PDIA5: variants seen among roughly 807,000 people sequenced by gnomAD.
The protein encoded by PDIA5 is protein disulfide-isomerase A5.
Under a neutral mutation model 77.6 loss-of-function variants are expected in PDIA5, and 58 were observed. That is an observed-to-expected ratio of 0.75 (90% CI 0.61 to 0.93). PDIA5 has a LOEUF of 0.93. PDIA5 is among the 40% of genes least tolerant of loss of function. The pLI, the probability that PDIA5 is intolerant of heterozygous loss-of-function variation, is 0.00. For missense variants in PDIA5, 630 were observed against 647.7 expected (o/e 0.97, Z 0.30); for synonymous variants, 250 against 252.1 (o/e 0.99, Z 0.08).
chr3:123,136,821 C>A (rs1213076895), intron 11 of PDIA5, among the ~76,000 whole-genome samples: 1 of 146,986 alleles, frequency 6.8e-6, no homozygotes, highest in Non-Finnish European at 1.5e-5. Context: ...CTGTGATTTG[C>A]TTTTTTTAAC....
At chr3:123,081,335 A>G (rs372699373) in intron 1 of PDIA5, among the ~76,000 whole-genome samples, 1 of 152,362 alleles carries the variant, frequency 6.6e-6, no homozygotes, top group East Asian at 1.9e-4. Context: ...AATCAAAGTC[A>G]GCACAAAACT....
intron 1 of PDIA5, among the ~76,000 whole-genome samples, chr3:123,080,158 G>C (rs534058067): frequency 4.4e-4 from 67 of 151,278 alleles, no homozygotes; most frequent in African/African-American, 1.6e-3. Context: ...GTGTGTGTGT[G>C]GGGGGGATTT....
At chr3:123,102,836 AAATG>A in intron 5 of PDIA5, 40 bp downstream of exon 5, 1 of 1,359,652 alleles carries the variant, frequency 7.4e-7, no homozygotes, top group Non-Finnish European at 1.1e-6. Context: ...GGTGGAGTCT[AAATG>A]GACGCCCAAA....
rs571265949 is a variant in PDIA5 at position 123,067,032 on chromosome 3, G to A, written c.-133G>A. On this transcript the variant is annotated 5_prime_UTR_variant, in exon 1 of 17. Coordinates refer to ENST00000316218, the MANE Select transcript of PDIA5 (RefSeq NM_006810.4). The stretch of plus-strand genomic sequence containing the variant: ...TGCTGCGCATGCTTTGGCAGACGTG[G>A]CACCGGGAACTCGGAGGCGGGGAGC... 2.1e-4 allele frequency: 144 copies of A among 690,006 alleles called. No homozygotes were observed. The highest frequency in any genetic ancestry group is 6.9e-5 in the Non-Finnish European group (34 of 492,506). 42.7% of individuals were successfully genotyped at this position (690,006 alleles called of 1,614,324 possible).
intron 11 of PDIA5, among the ~76,000 whole-genome samples, chr3:123,137,115 C>T (rs550975538): frequency 9.2e-5 from 14 of 152,312 alleles, no homozygotes; most frequent in African/African-American, 3.1e-4. Context: ...TGAGCTTTGG[C>T]AGATGCTACC....
chr3:123,079,243 C>T (rs1576432845), intron 1 of PDIA5, among the ~76,000 whole-genome samples: 1 of 129,114 alleles, frequency 7.7e-6, no homozygotes. Context: ...TGCAATGGTG[C>T]GATCTCGGCT....
chr3:123,126,248 TC>T (rs1935243849), intron 10 of PDIA5, among the ~76,000 whole-genome samples: 1 of 148,036 alleles, frequency 6.8e-6, no homozygotes. Flanking sequence ...CCATCCCGGC[TC>T]CCCCACCCGC....
intron 1 of PDIA5, 48 bp downstream of exon 1, chr3:123,067,254 GCGTGCC>G (rs1201924312): frequency 4.6e-5 from 56 of 1,224,900 alleles, no homozygotes; most frequent in South Asian, 2.5e-4. Flanking sequence ...CGTGTGTCCC[GCGTGCC>G]CTTCTGCGCT....
Position 123,114,504 on chromosome 3 carries a change from C to T in PDIA5, c.542-1727C>T, listed in dbSNP as rs530717849. 3.3e-5 allele frequency among the ~76,000 whole-genome samples: 5 copies of T among 152,348 alleles called. No homozygotes were observed. In the South Asian group the frequency reaches 1.0e-3, roughly 32 times the overall value. The stretch of plus-strand genomic sequence containing the variant: ...GGCTTGGAGAGCCCAGGCCACTTGC[C>T]CAAGATCACCCAGCCAGTGGGAGTT... On this transcript the variant is annotated intron_variant, in intron 7 of 16. Transcript: ENST00000316218.
intron 1 of PDIA5, among the ~76,000 whole-genome samples, chr3:123,086,924 T>G (rs1934154787): frequency 6.6e-6 from 1 of 152,200 alleles, no homozygotes; most frequent in African/African-American, 2.4e-5. Flanking sequence ...TAGAAATCAT[T>G]TTCCTTGAGA....
At chr3:123,133,317 A>G (rs1935414849) in intron 11 of PDIA5, among the ~76,000 whole-genome samples, 2 of 152,342 alleles carry the variant, frequency 1.3e-5, no homozygotes, top group South Asian at 4.1e-4. Context: ...TCTGGAAATC[A>G]CAGTGTTCCA....
chr3:123,102,102 G>A (rs1934616640), intron 3 of PDIA5, among the ~76,000 whole-genome samples: 2 of 151,840 alleles, frequency 1.3e-5, no homozygotes, highest in Non-Finnish European at 1.5e-5. Flanking sequence ...TAGAGACGGG[G>A]TTTCACCATG....
At chr3:123,096,014 C>G (rs185658083) in intron 3 of PDIA5, among the ~76,000 whole-genome samples, 5 of 152,082 alleles carry the variant, frequency 3.3e-5, no homozygotes, top group African/African-American at 7.2e-5. Context: ...TGGCTGTGGG[C>G]GTGTGCCTTC....
chr3:123,126,158 A>G lies in PDIA5; in HGVS notation c.773+1815A>G, dbSNP rs58626664. Among the ~76,000 whole-genome samples, 589 of 152,220 alleles carry G rather than the reference A, an allele frequency of 3.9e-3. 3 individuals carry two copies. The highest frequency in any genetic ancestry group is 0.014 in the African/African-American group (567 of 41,524). On this transcript the variant is annotated intron_variant, in intron 10 of 16. Coordinates refer to ENST00000316218, the MANE Select transcript of PDIA5 (RefSeq NM_006810.4). ...AACCCTAGACAAAGGGAGCACATCAATGGTGTTTCTGAAACAGGCTATTAT... is the reference window on the plus strand; with the variant it reads ...AACCCTAGACAAAGGGAGCACATCAGTGGTGTTTCTGAAACAGGCTATTAT...
chr3:123,147,531 T>C (rs1398103982), intron 13 of PDIA5, among the ~76,000 whole-genome samples: 1 of 152,170 alleles, frequency 6.6e-6, no homozygotes, highest in African/African-American at 2.4e-5. Context: ...CCCTCAGCCA[T>C]GGTGTTCTAA....
intron 3 of PDIA5, among the ~76,000 whole-genome samples, chr3:123,098,244 A>G (rs957999928): frequency 6.6e-6 from 1 of 152,146 alleles, no homozygotes; most frequent in African/African-American, 2.4e-5. Flanking sequence ...GAGGTCGCTA[A>G]TGGCAGAGCC....
chr3:123,132,904 G>A (rs1431954043), intron 11 of PDIA5, among the ~76,000 whole-genome samples: 1 of 152,220 alleles, frequency 6.6e-6, no homozygotes, highest in African/African-American at 2.4e-5. Flanking sequence ...TCATGGTTGT[G>A]CGCATGTGGG....
chr3:123,089,330 G>C (rs755846874), intron 2 of PDIA5, 36 bp downstream of exon 2: 1 of 1,604,364 alleles, frequency 6.2e-7, no homozygotes, highest in African/African-American at 1.3e-5. Context: ...GTCAACCATC[G>C]GGGTAGGATG....
At chr3:123,124,182 A>G in intron 9 of PDIA5, 25 bp downstream of exon 9, 1 of 1,599,280 alleles carries the variant, frequency 6.3e-7, no homozygotes, top group African/African-American at 1.3e-5. Flanking sequence ...TTCCTTCTAA[A>G]GCTCACCTCC....
Sources: gnomAD v4.1 joint callset for allele counts (sites outside exome capture counted in the v4.1 genomes callset) on GRCh38, gnomAD v4.1.1 for gene constraint, MANE v1.5 for transcripts, NCBI Gene and HGNC (gene_info 2026-07-23, HGNC 2026-07-21) for gene names.